LMTK2: variants seen among roughly 807,000 people sequenced by gnomAD.
LMTK2 encodes the protein lemur tail kinase 2.
In LMTK2, 37 loss-of-function variants were observed where a neutral mutation model predicts 127.5. The ratio of observed to expected loss-of-function variants is 0.29; its 90% CI spans 0.22 to 0.38. The LOEUF (loss-of-function observed/expected upper bound fraction) is 0.38. Among genes scored for constraint, LMTK2 ranks in the 10% least tolerant of loss-of-function variants. The pLI, the probability that LMTK2 is intolerant of heterozygous loss-of-function variation, is 1.00. For missense variants in LMTK2, 1,694 were observed against 1,920.3 expected, an observed-to-expected ratio of 0.88 and a Z score of 2.20; for synonymous variants, 819 against 810.1, an observed-to-expected ratio of 1.01 and a Z score of -0.19.
At chr7:98,175,149 C>A (rs1160156055) in intron 7 of LMTK2, among the ~76,000 whole-genome samples, 1 of 152,086 alleles carries the variant, frequency 6.6e-6, no homozygotes. Flanking sequence ...GTGCACATAC[C>A]GTGTGTGGTC....
At chr7:98,137,029 C>T (rs1796604117) in intron 1 of LMTK2, among the ~76,000 whole-genome samples, 1 of 152,152 alleles carries the variant, frequency 6.6e-6, no homozygotes, top group African/African-American at 2.4e-5. Flanking sequence ...GTGTTACTGT[C>T]CTAGTTTTGA....
At chr7:98,138,524 C>T (rs1796628946) in intron 2 of LMTK2, among the ~76,000 whole-genome samples, 2 of 152,134 alleles carry the variant, frequency 1.3e-5, no homozygotes. Context: ...AATATTTTGC[C>T]CCAGACCTGT....
chr7:98,197,930 G>A lies in LMTK2; in HGVS notation c.4107+3358G>A, dbSNP rs61592130. ...TGGTTTGGGTTTTGTTTGTTTGCTG[G>A]CACTGTCTTTGGTTTTGTTATCAGA... On this transcript the variant is annotated intron_variant, in intron 11 of 13. Transcript: ENST00000297293. Among the ~76,000 whole-genome samples, 145 of 152,254 alleles carry A rather than the reference G, an allele frequency of 9.5e-4. 1 individual carries two copies. Among genetic ancestry groups the A allele is most frequent in the African/African-American group, 3.3e-3 (138 of 41,538 alleles).
chr7:98,197,635 T>C (rs1433369909), intron 11 of LMTK2, among the ~76,000 whole-genome samples: 1 of 152,144 alleles, frequency 6.6e-6, no homozygotes, highest in East Asian at 1.9e-4. Flanking sequence ...GGAGGATCGC[T>C]TAAGGCCAGG....
At chr7:98,176,282 A>G (rs1331915622) in intron 7 of LMTK2, among the ~76,000 whole-genome samples, 1 of 152,222 alleles carries the variant, frequency 6.6e-6, no homozygotes, top group Non-Finnish European at 1.5e-5. Flanking sequence ...CTGATGGGAA[A>G]CATTTCTTCC....
intron 1 of LMTK2, among the ~76,000 whole-genome samples, chr7:98,116,954 G>T (rs539013356): frequency 5.3e-5 from 8 of 152,334 alleles, no homozygotes; most frequent in African/African-American, 1.4e-4. Flanking sequence ...TAGACTGGGG[G>T]TGTGGGTTTC....
chr7:98,153,196 A>G (rs1796881402), intron 4 of LMTK2, among the ~76,000 whole-genome samples: 1 of 152,174 alleles, frequency 6.6e-6, no homozygotes, highest in Non-Finnish European at 1.5e-5. Flanking sequence ...GGACATGTAA[A>G]TCCGAGTGAT....
chr7:98,203,862 G>T, intron 12 of LMTK2, 82 bp from the exon 13 acceptor site: 1 of 1,588,710 alleles, frequency 6.3e-7, no homozygotes, highest in South Asian at 1.1e-5. Flanking sequence ...CTTCCGACCT[G>T]CAGGGCGCAC....
At chr7:98,205,417 A>G (rs1333875713) in intron 13 of LMTK2, 47 bp from the exon 14 acceptor site, 1 of 1,612,922 alleles carries the variant, frequency 6.2e-7, no homozygotes. Context: ...CTGTCTGATC[A>G]TTTTAAAAAC....
rs949551725 is a variant in LMTK2 at position 98,187,013 on chromosome 7, A to C, written c.998+15A>C. The C allele has an allele frequency of 1.2e-6, 2 of 1,603,206 alleles. No individual in the cohort carries two copies. Among genetic ancestry groups the C allele is most frequent in the Admixed American group, 3.5e-5 (2 of 57,208 alleles). ...AGTAATATCTGGTACGTATTGGCTT[A>C]CCGTTTTATTAGTCATTTCTTTGGC... On this transcript the variant is annotated intron_variant, in intron 9 of 13. Coordinates refer to ENST00000297293, the MANE Select transcript of LMTK2 (RefSeq NM_014916.4).
intron 1 of LMTK2, among the ~76,000 whole-genome samples, chr7:98,109,879 T>A (rs17169289): frequency 0.066 from 9,954 of 151,900 alleles, 676 homozygotes; most frequent in East Asian, 0.34. Flanking sequence ...TTAGACCAAG[T>A]TTAAAAAAAA....
intron 4 of LMTK2, among the ~76,000 whole-genome samples, chr7:98,153,135 G>C (rs1336747885): frequency 6.6e-6 from 1 of 152,206 alleles, no homozygotes; most frequent in Non-Finnish European, 1.5e-5. Context: ...GGGGCACCAA[G>C]TAGCTGAACT....
intron 9 of LMTK2, 149 bp downstream of exon 9, chr7:98,187,147 C>G: frequency 1.4e-6 from 1 of 711,332 alleles, no homozygotes; most frequent in Non-Finnish European, 2.2e-6. Context: ...TTAAAAGACA[C>G]AAATAGTAAT....
chr7:98,174,936 A>G (rs1197519796), intron 7 of LMTK2, among the ~76,000 whole-genome samples: 1 of 152,178 alleles, frequency 6.6e-6, no homozygotes, highest in Non-Finnish European at 1.5e-5. Flanking sequence ...GCATGTTCTC[A>G]TTTGGCAGGG....
chr7:98,153,161 G>A (rs1371598746), intron 4 of LMTK2, among the ~76,000 whole-genome samples: 1 of 152,206 alleles, frequency 6.6e-6, no homozygotes, highest in Non-Finnish European at 1.5e-5. Flanking sequence ...TGCAGAGCAA[G>A]AGTGAAGGAG....
At chr7:98,199,401 A>G (rs991757047) in intron 11 of LMTK2, among the ~76,000 whole-genome samples, 1 of 152,226 alleles carries the variant, frequency 6.6e-6, no homozygotes, top group African/African-American at 2.4e-5. Context: ...ATGCATATAC[A>G]TTGAGGATGA....
At chr7:98,129,355 A>AGTTTT (rs10611952) in intron 1 of LMTK2, among the ~76,000 whole-genome samples, 40,608 of 148,716 alleles carry the variant, frequency 0.27, 5,890 homozygotes, top group South Asian at 0.46. Context: ...AAGTTTATTC[A>AGTTTT]GTTTTGTTTT....
intron 1 of LMTK2, among the ~76,000 whole-genome samples, chr7:98,125,289 C>T (rs1796429150): frequency 6.8e-6 from 1 of 146,006 alleles, no homozygotes; most frequent in Non-Finnish European, 1.5e-5. Flanking sequence ...GGTGACAGAG[C>T]GAGACTCCGT....
intron 6 of LMTK2, among the ~76,000 whole-genome samples, chr7:98,162,291 G>A (rs75494864): frequency 0.053 from 8,078 of 151,912 alleles, 634 homozygotes; most frequent in East Asian, 0.36. Context: ...TTGATCTAGA[G>A]TATTTCTGTA....
Sources: gnomAD v4.1 joint callset for allele counts (sites outside exome capture counted in the v4.1 genomes callset) on GRCh38, gnomAD v4.1.1 for gene constraint, MANE v1.5 for transcripts, NCBI Gene and HGNC (gene_info 2026-07-23, HGNC 2026-07-21) for gene names.